DNAH17: variants seen among roughly 807,000 people sequenced by gnomAD.
DNAH17 encodes the protein axonemal beta dynein heavy chain 17.
A neutral mutation model predicts 485.6 loss-of-function variants in DNAH17; 376 were observed. That is an observed-to-expected ratio of 0.77 (90% CI 0.71 to 0.84). The LOEUF (loss-of-function observed/expected upper bound fraction) is 0.84. Ranked by LOEUF, DNAH17 falls within the 40% of genes least tolerant of loss-of-function variation. The pLI, the probability that DNAH17 is intolerant of heterozygous loss-of-function variation, is 0.00. For synonymous variants in DNAH17, 3,031 were observed against 2,405.9 expected (o/e 1.26, Z -7.60); for missense variants, 6,370 against 5,839.3 (o/e 1.09, Z -2.96).
At chr17:78,501,139 G>T in intron 35 of DNAH17, 45 bp downstream of exon 35, 1 of 1,522,484 alleles carries the variant, frequency 6.6e-7, no homozygotes, top group Non-Finnish European at 8.9e-7. Flanking sequence ...CATGCGGAAG[G>T]GACCCACCAA....
At chr17:78,473,054 G>A (rs374417333) in intron 54 of DNAH17, among the ~76,000 whole-genome samples, 7 of 152,272 alleles carry the variant, frequency 4.6e-5, no homozygotes, top group African/African-American at 7.2e-5. Flanking sequence ...CACAGCTTCC[G>A]GGACCTACTT....
At position 78,448,931 on chromosome 17, in the gene DNAH17, T is replaced by C. The variant is rs974484873; in HGVS notation, c.11211+483A>G. Among the ~76,000 whole-genome samples the C allele has an allele frequency of 2.0e-5, 3 of 152,350 alleles. No homozygotes were observed. In the South Asian group the frequency reaches 6.2e-4, roughly 32 times the overall value. ...TTTATAGATTACTCAGCCTTGGGTA[T>C]TCTGTTATAGCCGCACAAAACAAAT... On this transcript the variant is annotated intron_variant, in intron 69 of 80. Coordinates refer to ENST00000389840, the MANE Select transcript of DNAH17 (RefSeq NM_173628.4).
In DNAH17 at chr17:78,446,626, A is replaced by G. The variant is rs545913931; in HGVS notation, c.11212-946T>C. Among the ~76,000 whole-genome samples, 54 of 140,264 alleles carry G rather than the reference A, an allele frequency of 3.8e-4. No individual in the cohort carries two copies. The East Asian group carries it at 0.01, about 26-fold the overall frequency. 92.0% of individuals were successfully genotyped at this position (140,264 alleles called of 152,430 possible). ...AATTGATTAGCTTTGCTGATTTTTT[A>G]AATTTATTTTATTATTTATTATTAT... is the stretch of plus-strand genomic sequence containing the variant. On this transcript the variant is annotated intron_variant, in intron 69 of 80. Transcript: ENST00000389840.
At chr17:78,487,320 T>C (rs1237933225) in intron 44 of DNAH17, among the ~76,000 whole-genome samples, 3 of 152,210 alleles carry the variant, frequency 2.0e-5, no homozygotes, top group Non-Finnish European at 4.4e-5. Context: ...TGGGCTGATA[T>C]TTTTAAAGCT....
At chr17:78,426,670 G>A (rs2086478736) in intron 78 of DNAH17, 70 bp from the exon 79 acceptor site, 4 of 1,523,890 alleles carry the variant, frequency 2.6e-6, no homozygotes, top group East Asian at 4.5e-5. Flanking sequence ...CCCAGTGCGT[G>A]TCATGAGTTG....
intron 60 of DNAH17, among the ~76,000 whole-genome samples, chr17:78,459,528 C>T (rs539081891): frequency 7.7e-4 from 117 of 152,342 alleles, no homozygotes; most frequent in African/African-American, 5.5e-4. Context: ...TGCATGTGCT[C>T]GTGTGGTCAG....
chr17:78,502,129 C>T, intron 33 of DNAH17: 1 of 511,544 alleles, frequency 2.0e-6, no homozygotes, highest in Non-Finnish European at 3.5e-6. Flanking sequence ...GGATGAGAAG[C>T]AAAAACAGCT....
Position 78,533,188 on chromosome 17 carries a change from C to G in DNAH17, c.2860-452G>C, listed in dbSNP as rs16971511. On this transcript the variant is annotated intron_variant, in intron 19 of 80. Transcript: ENST00000389840. ...ACATTGATTCATTCATTCGATAGCT[C>G]GCTCTCACTGCGTACCACATGCTGG... 2.2e-5 allele frequency: 4 copies of G among 184,904 alleles called. No homozygotes were observed. The East Asian group carries it at 5.8e-4, about 27-fold the overall frequency. The allele number at this position is 184,904 out of a possible 1,614,324, so 11.5% of individuals were successfully genotyped here.
intron 54 of DNAH17, 75 bp from the exon 55 acceptor site, chr17:78,468,958 A>T (rs934132625): frequency 3.5e-5 from 53 of 1,518,740 alleles, no homozygotes; most frequent in Non-Finnish European, 4.6e-5. Flanking sequence ...ACAACCAACC[A>T]GAGCACAGGG....
intron 54 of DNAH17, among the ~76,000 whole-genome samples, 166 bp from the exon 55 acceptor site, chr17:78,469,049 C>G (rs552437094): frequency 2.6e-5 from 4 of 152,252 alleles, no homozygotes; most frequent in African/African-American, 9.6e-5. Flanking sequence ...CTGCAACCTC[C>G]GTCTCCTGGG....
At position 78,463,055 on chromosome 17, in the gene DNAH17, C is replaced by A; in HGVS notation, c.8963G>T (p.Ser2988Ile). ...GGTGTGCACGTAGGACATGAAGAAG[C>A]TGATGGAGGCCTTGACTTCCCACTA... ...GIPWEVKASI[S>I]FFMSYVHTTV... Residue 2988 changes from serine (S) to isoleucine (I), a missense_variant, in exon 57 of 81, where the codon AGC (serine) becomes ATC (isoleucine). Ser to Ile is a moderately radical substitution (Grantham distance 142). Transcript: ENST00000389840. The A allele has an allele frequency of 6.2e-7, 1 of 1,613,958 alleles. No homozygotes were observed.
In DNAH17 at chr17:78,572,506, G is replaced by A. The variant is rs964478061; in HGVS notation, c.539+195C>T. 6.6e-5 allele frequency among the ~76,000 whole-genome samples: 10 copies of A among 152,182 alleles called. No individual in the cohort carries two copies. The East Asian group carries it at 1.9e-3, about 29-fold the overall frequency. On this transcript the variant is annotated intron_variant, in intron 3 of 80. Coordinates refer to ENST00000389840, the MANE Select transcript of DNAH17 (RefSeq NM_173628.4). ...GGGCTGCAGAGCCTGCTCCCTCCCT[G>A]CCCTGGTTTCAACTTCCTCAGTCTC... is the stretch of plus-strand genomic sequence containing the variant.
At chr17:78,424,241 G>A (rs752796720) in intron 80 of DNAH17, 88 bp from the exon 81 acceptor site, 153 of 1,471,502 alleles carry the variant, frequency 1.0e-4, no homozygotes, top group African/African-American at 1.5e-4. Context: ...CACACTCCCC[G>A]CCCTCTGCAG....
In DNAH17 at chr17:78,445,777, G is replaced by A. The variant is rs551951314; in HGVS notation, c.11212-97C>T. ...GACTCGAAGAGGAGTTCACACTCCC[G>A]GCCTGCAGGGGGCGCCCTGTCCTGC... On this transcript the variant is annotated intron_variant, in intron 69 of 80. Coordinates refer to ENST00000389840, the MANE Select transcript of DNAH17 (RefSeq NM_173628.4). 3.5e-5 allele frequency: 48 copies of A among 1,371,760 alleles called. No individual in the cohort carries two copies. The African/African-American group carries it at 5.2e-4, about 15-fold the overall frequency. The allele number at this position is 1,371,760 out of a possible 1,614,324, so 85.0% of individuals were successfully genotyped here. A position where few individuals can be genotyped will look rare whatever the true frequency, so the allele number is the denominator to read the frequency against.
chr17:78,564,194 C>T (rs1256206546), intron 11 of DNAH17, among the ~76,000 whole-genome samples: 1 of 152,146 alleles, frequency 6.6e-6, no homozygotes, highest in African/African-American at 2.4e-5. Context: ...GCTCCCTCCC[C>T]ACTGCCGGAT....
chr17:78,442,044 T>A (rs778945546), intron 71 of DNAH17, among the ~76,000 whole-genome samples: 2 of 151,690 alleles, frequency 1.3e-5, no homozygotes, highest in African/African-American at 4.9e-5. Flanking sequence ...GATGGCGCCA[T>A]TGCACTCCAG....
intron 58 of DNAH17, among the ~76,000 whole-genome samples, chr17:78,461,075 A>G (rs576950857): frequency 3.0e-4 from 45 of 151,234 alleles, no homozygotes; most frequent in African/African-American, 1.1e-3. Context: ...AGCCACCCCC[A>G]ACCAGCAAGG....
chr17:78,547,768 C>T (rs1433377772), intron 16 of DNAH17, among the ~76,000 whole-genome samples: 1 of 152,148 alleles, frequency 6.6e-6, no homozygotes, highest in Non-Finnish European at 1.5e-5. Flanking sequence ...TAGGTGTGTG[C>T]CACCACACCT....
intron 61 of DNAH17, 104 bp from the exon 62 acceptor site, chr17:78,458,784 G>C: frequency 2.5e-6 from 3 of 1,185,008 alleles, no homozygotes; most frequent in South Asian, 1.3e-5. Flanking sequence ...CGTGGAAGAG[G>C]CTCCCACAAA....
Sources: gnomAD v4.1 joint callset for allele counts (sites outside exome capture counted in the v4.1 genomes callset) on GRCh38, gnomAD v4.1.1 for gene constraint, MANE v1.5 for transcripts, NCBI Gene and HGNC (gene_info 2026-07-23, HGNC 2026-07-21) for gene names.